Variants in SLIT3 observed in about 807,000 individuals in gnomAD.
SLIT3 encodes slit guidance ligand 3.
Under a neutral mutation model 184.0 loss-of-function variants are expected in SLIT3, and 68 were observed. The observed-to-expected ratio is 0.37, with a 90% CI of 0.30 to 0.45. The LOEUF is 0.45. Among genes scored for constraint, SLIT3 ranks in the 20% least tolerant of loss-of-function variants. The pLI, the probability that SLIT3 is intolerant of heterozygous loss-of-function variation, is 1.00. For missense variants in SLIT3, 1,707 were observed against 2,026.0 expected, an observed-to-expected ratio of 0.84 and a Z score of 3.02; for synonymous variants, 831 against 828.6, an observed-to-expected ratio of 1.00 and a Z score of -0.05.
chr5:168,743,487 T>C (rs377587613), intron 20 of SLIT3, among the ~76,000 whole-genome samples: 1 of 152,234 alleles, frequency 6.6e-6, no homozygotes, highest in East Asian at 1.9e-4. Context: ...ATTTAATTGA[T>C]AAATGTTGTG....
At chr5:168,779,996 G>T (rs965536601) in intron 12 of SLIT3, among the ~76,000 whole-genome samples, 2 of 152,224 alleles carry the variant, frequency 1.3e-5, no homozygotes, top group Non-Finnish European at 2.9e-5. Flanking sequence ...TTCAATGAAG[G>T]TTGCCCTTGG....
At chr5:168,824,035 G>A (rs992297006) in intron 6 of SLIT3, among the ~76,000 whole-genome samples, 1 of 152,144 alleles carries the variant, frequency 6.6e-6, no homozygotes, top group Non-Finnish European at 1.5e-5. Flanking sequence ...TGCAACCTCC[G>A]CCTCCCGAGT....
At chr5:169,112,875 A>T (rs1175003905) in intron 4 of SLIT3, among the ~76,000 whole-genome samples, 1 of 152,028 alleles carries the variant, frequency 6.6e-6, no homozygotes, top group East Asian at 1.9e-4. Context: ...TCCCATGGCT[A>T]CTGCTCTCGA....
At chr5:168,804,846 G>A (rs916231485) in intron 9 of SLIT3, among the ~76,000 whole-genome samples, 12 of 152,140 alleles carry the variant, frequency 7.9e-5, no homozygotes, top group African/African-American at 2.9e-4. Flanking sequence ...GTCCCAGGAT[G>A]CGGCCCCTCC....
At chr5:168,774,772 G>A (rs1022155781) in intron 12 of SLIT3, among the ~76,000 whole-genome samples, 3 of 152,156 alleles carry the variant, frequency 2.0e-5, no homozygotes, top group Admixed American at 2.0e-4. Flanking sequence ...GACTGACTAC[G>A]GGCAATTTGA....
intron 14 of SLIT3, among the ~76,000 whole-genome samples, chr5:168,767,102 A>G (rs1347327592): frequency 1.3e-5 from 2 of 152,230 alleles, no homozygotes; most frequent in African/African-American, 2.4e-5. Context: ...TGTGAACATT[A>G]AACAAGGTAA....
intron 3 of SLIT3, among the ~76,000 whole-genome samples, chr5:169,214,236 C>T (rs1263751464): frequency 1.3e-5 from 2 of 152,224 alleles, no homozygotes; most frequent in Non-Finnish European, 2.9e-5. Flanking sequence ...GTTGACAACA[C>T]CCGCTTCATG....
chr5:169,218,716 T>C (rs1351609427), intron 3 of SLIT3, among the ~76,000 whole-genome samples: 1 of 152,232 alleles, frequency 6.6e-6, no homozygotes, highest in Non-Finnish European at 1.5e-5. Context: ...CTTAAGATCA[T>C]GCGTATAGAT....
rs1438137718 is a variant in SLIT3 at position 168,671,320 on chromosome 5, G to A, written c.4005C>T (p.Cys1335=). The change falls in exon 34 of 36, where the codon TGC becomes TGT. Residue 1335 remains cysteine, a synonymous_variant. Transcript: ENST00000519560. Reference sequence around the variant, plus strand: ...GGCACAGGCCGTGCTTGCACACGGTGCAGGACTTGCAGCCTGGTGACACCC... The same window carrying A: ...GGCACAGGCCGTGCTTGCACACGGTACAGGACTTGCAGCCTGGTGACACCC... ...SLGVSPGCKS[C]TVCKHGLCRS... 6.2e-7 allele frequency: 1 copy of A among 1,613,896 alleles called. No homozygotes were observed. Among genetic ancestry groups the A allele is most frequent in the African/African-American group, 1.3e-5 (1 of 74,958 alleles).
chr5:168,699,421 A>ACTGG (rs1762153637), intron 27 of SLIT3, among the ~76,000 whole-genome samples: 1 of 152,148 alleles, frequency 6.6e-6, no homozygotes. Context: ...CCGCCTCCTG[A>ACTGG]CTGGCTCACC....
At chr5:169,207,370 T>TACATACAC (rs1262446357) in intron 3 of SLIT3, among the ~76,000 whole-genome samples, 54 of 131,922 alleles carry the variant, frequency 4.1e-4, no homozygotes, top group African/African-American at 1.4e-3. Flanking sequence ...TACACATACA[T>TACATACAC]ACACACACAC....
intron 11 of SLIT3, among the ~76,000 whole-genome samples, chr5:168,787,106 C>G (rs1756182186): frequency 6.6e-6 from 1 of 152,204 alleles, no homozygotes; most frequent in African/African-American, 2.4e-5. Flanking sequence ...CTCCATCAGC[C>G]TACGGGTGTG....
At chr5:168,798,026 T>A (rs933078011) in intron 9 of SLIT3, among the ~76,000 whole-genome samples, 2 of 152,058 alleles carry the variant, frequency 1.3e-5, no homozygotes, top group Non-Finnish European at 2.9e-5. Context: ...AGGGAAAAGC[T>A]GCAGGAGCCC....
intron 5 of SLIT3, among the ~76,000 whole-genome samples, chr5:168,859,646 G>A (rs984202937): frequency 8.5e-5 from 13 of 152,148 alleles, no homozygotes; most frequent in Non-Finnish European, 4.4e-5. Flanking sequence ...CTGAGTGAAT[G>A]GCATATTTCT....
chr5:169,278,588 T>C (rs1392303889), intron 1 of SLIT3, among the ~76,000 whole-genome samples: 1 of 152,202 alleles, frequency 6.6e-6, no homozygotes, highest in Non-Finnish European at 1.5e-5. Context: ...CCAGTATTAA[T>C]GCGCAGGCCC....
In SLIT3 at chr5:168,665,151, C is replaced by A. The variant is rs941635920; in HGVS notation, c.*1303G>T. 2 of 152,194 alleles carry A rather than the reference C, an allele frequency of 1.3e-5. No homozygotes were observed. Among genetic ancestry groups the A allele is most frequent in the Non-Finnish European group, 2.9e-5 (2 of 68,066 alleles). The allele number at this position is 152,194 out of a possible 1,614,324, so 9.4% of individuals were successfully genotyped here. On this transcript the variant is annotated 3_prime_UTR_variant, in exon 36 of 36. Transcript: ENST00000519560. ...TCTGGTGTGTGGCTTAAGGCAAGTTCCAGAGCCTGTGAGGGCCTAAACTTC... is the reference window on the plus strand; with the variant it reads ...TCTGGTGTGTGGCTTAAGGCAAGTTACAGAGCCTGTGAGGGCCTAAACTTC...
chr5:168,883,814 A>G (rs1209449804), intron 4 of SLIT3, among the ~76,000 whole-genome samples: 1 of 151,984 alleles, frequency 6.6e-6, no homozygotes, highest in African/African-American at 2.4e-5. Context: ...GAGCCTGCCC[A>G]TTCTGATTTT....
chr5:168,764,783 C>T (rs189037131), intron 14 of SLIT3, among the ~76,000 whole-genome samples: 3 of 152,310 alleles, frequency 2.0e-5, no homozygotes, highest in Admixed American at 1.3e-4. Context: ...GAGCAAACTC[C>T]GTGCACGTAT....
At chr5:168,905,852 G>A (rs1761033009) in intron 4 of SLIT3, among the ~76,000 whole-genome samples, 1 of 152,198 alleles carries the variant, frequency 6.6e-6, no homozygotes, top group Admixed American at 6.5e-5. Flanking sequence ...GCACAGAGAT[G>A]ATGTCTAGAC....
Sources: allele counts gnomAD v4.1 joint callset (sites outside exome capture counted in the v4.1 genomes callset), GRCh38; gene constraint gnomAD v4.1.1; transcripts MANE v1.5; gene names NCBI Gene and HGNC (gene_info 2026-07-23, HGNC 2026-07-21).